GRIP2: variants seen among roughly 807,000 people sequenced by gnomAD.
GRIP2 encodes the protein glutamate receptor interacting protein 2, also known as glutamate receptor-interacting protein 2.
A neutral mutation model predicts 108.3 loss-of-function variants in GRIP2; 58 were observed. The observed-to-expected ratio is 0.54, with a 90% confidence interval of 0.43 to 0.67. The LOEUF is 0.67. Among genes scored for constraint, GRIP2 ranks in the 30% least tolerant of loss-of-function variants. The probability of loss-of-function intolerance (pLI) is 0.00; values close to 1 mark genes in which losing one functional copy is unlikely to be tolerated. For synonymous variants in GRIP2, 586 were observed against 598.2 expected (o/e 0.98, Z 0.30); for missense variants, 1,278 against 1,430.6 (o/e 0.89, Z 1.72).
chr3:14,602,614 A>T, the GRIP2 span, among the ~76,000 whole-genome samples: 1 of 151,048 alleles, frequency 6.6e-6, no homozygotes, highest in Non-Finnish European at 1.5e-5. The surrounding 1 kb of genome is among the most constrained non-coding windows in gnomAD (Gnocchi z 4.7). Context: ...TGCCCCCTCG[A>T]GGGCTCAGAC....
chr3:14,538,458 G>T (rs1694886047), intron 1 of GRIP2, among the ~76,000 whole-genome samples: 1 of 152,236 alleles, frequency 6.6e-6, no homozygotes, highest in African/African-American at 2.4e-5. Context: ...AAGGAGAGGA[G>T]AGAGTCTGCC....
chr3:14,523,136 C>A, intron 5 of GRIP2, 61 bp from the exon 6 acceptor site: 2 of 1,254,344 alleles, frequency 1.6e-6, no homozygotes, highest in Non-Finnish European at 2.3e-6. Context: ...CCAGAGGCTC[C>A]CACACAGCCC....
At chr3:14,503,787 G>C (rs1013612734) in intron 20 of GRIP2, 116 bp from the exon 21 acceptor site, 1 of 281,980 alleles carries the variant, frequency 3.5e-6, no homozygotes, top group African/African-American at 2.4e-5. Context: ...CATAGGGTGG[G>C]TGGGCGGGCA....
chr3:14,601,246 C>T, the GRIP2 span, among the ~76,000 whole-genome samples: 1 of 152,006 alleles, frequency 6.6e-6, no homozygotes, highest in Non-Finnish European at 1.5e-5. Context: ...GACAGGTTGC[C>T]CCCCACCCCT....
intron 22 of GRIP2, 64 bp from the exon 23 acceptor site, chr3:14,495,053 GC>G: frequency 6.3e-7 from 1 of 1,579,856 alleles, no homozygotes; most frequent in Non-Finnish European, 8.6e-7. Flanking sequence ...TCTCACAGTA[GC>G]CCAGGTCCTT....
chr3:14,537,431 G>A (rs1263981269), intron 1 of GRIP2, among the ~76,000 whole-genome samples: 1 of 152,216 alleles, frequency 6.6e-6, no homozygotes. Flanking sequence ...ATTTTTACTG[G>A]GATGTCAGCT....
At chr3:14,500,988 T>C (rs1693750178) in intron 21 of GRIP2, among the ~76,000 whole-genome samples, 1 of 152,202 alleles carries the variant, frequency 6.6e-6, no homozygotes, top group Non-Finnish European at 1.5e-5. Context: ...TCAGAAAATA[T>C]ATTGAAAATG....
chr3:14,578,917 T>C, the GRIP2 span, among the ~76,000 whole-genome samples: 1 of 151,620 alleles, frequency 6.6e-6, no homozygotes, highest in Non-Finnish European at 1.5e-5. Flanking sequence ...CAGTTTCTTA[T>C]AAAGAGCTAA....
chr3:14,518,689 T>A (rs1349175059), intron 9 of GRIP2, among the ~76,000 whole-genome samples: 1 of 152,162 alleles, frequency 6.6e-6, no homozygotes. Flanking sequence ...GCCCGTTGAT[T>A]CTGTCTCCTT....
At chr3:14,565,325 C>A in the GRIP2 span, among the ~76,000 whole-genome samples, 1 of 152,200 alleles carries the variant, frequency 6.6e-6, no homozygotes, top group African/African-American at 2.4e-5. Flanking sequence ...CCATTGAAAG[C>A]AGAGTCAGGG....
At chr3:14,540,864 C>A (rs1294870281), upstream of GRIP2, among the ~76,000 whole-genome samples, 1 of 152,234 alleles carries the variant, frequency 6.6e-6, no homozygotes, top group African/African-American at 2.4e-5. This position sits in a 1 kb window ranked among gnomAD's most constrained non-coding sequence, Gnocchi z 4.1. Context: ...GCCCTCCCAC[C>A]AATGTTCCAA....
At chr3:14,573,675 G>A in the GRIP2 span, 1 of 1,479,576 alleles carries the variant, frequency 6.8e-7, no homozygotes, top group Non-Finnish European at 9.4e-7. Context: ...GTGGTTCCCG[G>A]GGTTGTTTCT....
upstream of GRIP2, among the ~76,000 whole-genome samples, chr3:14,541,569 C>T (rs1442880576): frequency 2.6e-5 from 4 of 152,236 alleles, no homozygotes; most frequent in South Asian, 2.1e-4. Context: ...GCCAGCCCAA[C>T]GCTAGTGGCA....
At chr3:14,517,013 A>G (rs1694265554) in intron 11 of GRIP2, 51 bp downstream of exon 11, 1 of 1,429,540 alleles carries the variant, frequency 7.0e-7, no homozygotes, top group Non-Finnish European at 9.2e-7. Flanking sequence ...GGCAAGCCTC[A>G]CTCTCAGACA....
At chr3:14,566,460 A>G in the GRIP2 span, among the ~76,000 whole-genome samples, 3 of 152,222 alleles carry the variant, frequency 2.0e-5, no homozygotes, top group Non-Finnish European at 4.4e-5. Context: ...ATGGATCCAT[A>G]CCCACCACGC....
intron 1 of GRIP2, among the ~76,000 whole-genome samples, chr3:14,527,827 C>T (rs1694605596): frequency 6.6e-6 from 1 of 151,994 alleles, no homozygotes; most frequent in African/African-American, 2.4e-5. Flanking sequence ...ACCCAGGAGG[C>T]GGAGGTTGCA....
chr3:14,523,207 T>C, intron 5 of GRIP2, 132 bp from the exon 6 acceptor site: 1 of 684,662 alleles, frequency 1.5e-6, no homozygotes, highest in African/African-American at 1.8e-5. Context: ...CCATGGACCC[T>C]CTTATGAGAC....
At chr3:14,590,782 T>C in the GRIP2 span, among the ~76,000 whole-genome samples, 3 of 152,280 alleles carry the variant, frequency 2.0e-5, no homozygotes, top group Non-Finnish European at 4.4e-5. Context: ...GGTGATTAAG[T>C]GTATAAAGGG....
chr3:14,494,751 C>T, intron 23 of GRIP2, 92 bp downstream of exon 23: 1 of 1,435,048 alleles, frequency 7.0e-7, no homozygotes, highest in South Asian at 1.4e-5. Flanking sequence ...ATTGTCCTGC[C>T]CTCTTCACAG....
Sources: allele counts gnomAD v4.1 joint callset (sites outside exome capture counted in the v4.1 genomes callset), GRCh38; gene constraint gnomAD v4.1.1; non-coding constraint Gnocchi (gnomAD v3.1); transcripts MANE v1.5; gene names NCBI Gene and HGNC (gene_info 2026-07-23, HGNC 2026-07-21).